Variants in HMGA1 observed in about 807,000 individuals in gnomAD.
HMGA1 encodes high mobility group protein HMG-I/HMG-Y.
Under a neutral mutation model 15.1 loss-of-function variants are expected in HMGA1, and 1 was observed. The ratio of observed to expected loss-of-function variants is 0.07; its 90% CI spans 0.02 to 0.31. The LOEUF (loss-of-function observed/expected upper bound fraction) is 0.31, where lower values mean the gene tolerates loss of function less well. Ranked by LOEUF, HMGA1 falls within the 10% of genes least tolerant of loss-of-function variation. The probability of loss-of-function intolerance (pLI) is 1.00; values close to 1 mark genes in which losing one functional copy is unlikely to be tolerated. For missense variants in HMGA1, 94 were observed against 141.4 expected (o/e 0.66, Z 1.70); for synonymous variants, 56 against 54.8 (o/e 1.02, Z -0.10).
In HMGA1 at chr6:34,243,470, AACC is replaced by A. The variant is rs1762465540; in HGVS notation, c.228_230del (p.Thr78del). 3 of 1,613,058 alleles carry A rather than the reference AACC, an allele frequency of 1.9e-6. No individual in the cohort carries two copies. The highest frequency in any genetic ancestry group is 2.7e-5 in the African/African-American group (2 of 74,766). ...AGATATTTTCTCTAACCCTCTAGAA[AACC>A]ACCACAACTCCAGGAAGGAAACCAA... is the stretch of plus-strand genomic sequence containing the variant. On this transcript the variant is annotated inframe_deletion, in exon 5 of 6. Transcript: ENST00000311487.
At position 34,240,838 on chromosome 6, in the gene HMGA1, G is replaced by A. The variant is rs373699947; in HGVS notation, c.58G>A (p.Gly20Ser). The A allele has an allele frequency of 2.7e-5, 44 of 1,613,156 alleles. No homozygotes were observed. The highest frequency in any genetic ancestry group is 1.8e-4 in the Middle Eastern group (1 of 5,558). The change falls in exon 3 of 6, where the codon GGC becomes AGC. Residue 20 changes from glycine to serine, a missense_variant. Coordinates refer to ENST00000311487, the MANE Select transcript of HMGA1 (RefSeq NM_145899.3). ...QPLASKQEKD[G>S]TEKRGRGRPR... Reference sequence around the variant, plus strand: ...CTTGGCCTCCAAGCAGGAAAAGGACGGCACTGAGAAGCGGGGCCGGGGCAG... The same window carrying A: ...CTTGGCCTCCAAGCAGGAAAAGGACAGCACTGAGAAGCGGGGCCGGGGCAG...
At chr6:34,241,571 C>G (rs1244422682) in intron 3 of HMGA1, among the ~76,000 whole-genome samples, 4 of 152,214 alleles carry the variant, frequency 2.6e-5, no homozygotes, top group African/African-American at 4.8e-5. Context: ...TGGTGCTGCT[C>G]TCCCCACAAA....
At chr6:34,240,553 C>T (rs945917744) in intron 2 of HMGA1, 184 bp from the exon 3 acceptor site, 14 of 560,362 alleles carry the variant, frequency 2.5e-5, no homozygotes, top group African/African-American at 3.8e-5. Context: ...TTAGGGCCAA[C>T]GGCCCTTCCC....
chr6:34,239,697 T>TAA (rs59329931), intron 2 of HMGA1, among the ~76,000 whole-genome samples: 121,708 of 151,920 alleles, frequency 0.8, 50,525 homozygotes, highest in South Asian at 0.94. Context: ...AGGACTAGGA[T>TAA]GAAGATGTGG....
chr6:34,240,943 G>C (rs957481117), intron 3 of HMGA1, 28 bp downstream of exon 3: 9 of 1,613,214 alleles, frequency 5.6e-6, no homozygotes, highest in Non-Finnish European at 5.9e-6. Flanking sequence ...TGCTTCACTT[G>C]GTTTACCCTT....
Position 34,240,817 on chromosome 6 carries a change from G to T in HMGA1, c.37G>T (p.Ala13Ser). The change falls in exon 3 of 6, where the codon GCC becomes TCC. Residue 13 changes from alanine (A) to serine (S), a missense_variant. By Grantham distance (99) the Ala-to-Ser change is moderately conservative. Transcript: ENST00000311487. ...ESSSKSSQPL[A>S]SKQEKDGTEK... is the part of the protein sequence containing the mutation. ...GAGCTCGAAGTCCAGCCAGCCCTTGGCCTCCAAGCAGGAAAAGGACGGCAC... is the reference window on the plus strand; with the variant it reads ...GAGCTCGAAGTCCAGCCAGCCCTTGTCCTCCAAGCAGGAAAAGGACGGCAC... The T allele has an allele frequency of 6.2e-7, 1 of 1,612,946 alleles. No homozygotes were observed. The highest frequency in any genetic ancestry group is 8.5e-7 in the Non-Finnish European group (1 of 1,179,886).
chr6:34,241,053 A>G (rs1359830146), intron 3 of HMGA1, 138 bp downstream of exon 3: 1 of 961,824 alleles, frequency 1.0e-6, no homozygotes, highest in African/African-American at 1.6e-5. Context: ...GTGTCCTCCC[A>G]CCTGTGTGTA....
At position 34,240,801 on chromosome 6, in the gene HMGA1, G is replaced by A; in HGVS notation, c.21G>A (p.Lys7=). The change falls in exon 3 of 6, where the codon AAG becomes AAA. Residue 7 remains lysine (K), a synonymous_variant. Coordinates refer to ENST00000311487, the MANE Select transcript of HMGA1 (RefSeq NM_145899.3). MSESSS[K]SSQPLASKQE... ...GGAAGATGAGTGAGTCGAGCTCGAA[G>A]TCCAGCCAGCCCTTGGCCTCCAAGC... is the stretch of plus-strand genomic sequence containing the variant. 1 of 1,612,742 alleles carries A rather than the reference G, an allele frequency of 6.2e-7. No homozygotes were observed. The highest frequency in any genetic ancestry group is 8.5e-7 in the Non-Finnish European group (1 of 1,179,894).
chr6:34,239,707 G>A (rs964222870), intron 2 of HMGA1, among the ~76,000 whole-genome samples: 1 of 151,992 alleles, frequency 6.6e-6, no homozygotes, highest in Non-Finnish European at 1.5e-5. Context: ...TGAAGATGTG[G>A]AGGACTGTCC....
At position 34,240,799 on chromosome 6, in the gene HMGA1, A is replaced by C; in HGVS notation, c.19A>C (p.Lys7Gln). The change falls in exon 3 of 6, where the codon AAG becomes CAG. Residue 7 changes from lysine to glutamine, a missense_variant. By Grantham distance (53) the Lys-to-Gln change is moderately conservative (BLOSUM62 1). Transcript: ENST00000311487. Reference protein sequence around the residue: MSESSSKSSQPLASKQE... With the variant: MSESSSQSSQPLASKQE... The stretch of plus-strand genomic sequence containing the variant: ...AGGGAAGATGAGTGAGTCGAGCTCG[A>C]AGTCCAGCCAGCCCTTGGCCTCCAA... 6.2e-7 allele frequency: 1 copy of C among 1,612,694 alleles called. No individual in the cohort carries two copies. Among genetic ancestry groups the C allele is most frequent in the Non-Finnish European group, 8.5e-7 (1 of 1,179,890 alleles).
intron 2 of HMGA1, 67 bp from the exon 3 acceptor site, chr6:34,240,670 G>T: frequency 8.0e-7 from 1 of 1,244,264 alleles, no homozygotes. Context: ...TTGAAGGTGT[G>T]GGTGATGAGG....
chr6:34,244,836 G>T lies in HMGA1; in HGVS notation c.276G>T (p.Lys92Asn), dbSNP rs528211015. The change falls in exon 6 of 6, where the codon AAG (lysine) becomes AAT (asparagine). Residue 92 changes from lysine (K) to asparagine (N), a missense_variant. Coordinates refer to ENST00000311487, the MANE Select transcript of HMGA1 (RefSeq NM_145899.3). The part of the protein sequence containing the change: ...KPRGRPKKLE[K>N]EEEEGISQES... ...AACAACTGCCCACCTCACAGGAGAA[G>T]GAGGAAGAGGAGGGCATCTCGCAGG... 6.4e-7 allele frequency: 1 copy of T among 1,571,568 alleles called. No homozygotes were observed. Among genetic ancestry groups the T allele is most frequent in the Non-Finnish European group, 8.6e-7 (1 of 1,158,690 alleles).
chr6:34,245,085 G>A lies in HMGA1; in HGVS notation c.*201G>A, dbSNP rs1454326479. On this transcript the variant is annotated 3_prime_UTR_variant, in exon 6 of 6. Transcript: ENST00000311487. ...GCTGCAGGGCTCCCATGGGCTGAGT[G>A]GGGAGCAGTTTTCCCCTGGCCTCAG... is the stretch of plus-strand genomic sequence containing the variant. 9 of 1,524,308 alleles carry A rather than the reference G, an allele frequency of 5.9e-6. No homozygotes were observed. Among genetic ancestry groups the A allele is most frequent in the Non-Finnish European group, 7.9e-6 (9 of 1,136,520 alleles). 94.4% of individuals were successfully genotyped at this position (1,524,308 alleles called of 1,614,324 possible).
At chr6:34,240,607 G>GGC in intron 2 of HMGA1, 130 bp from the exon 3 acceptor site, 1 of 754,484 alleles carries the variant, frequency 1.3e-6, no homozygotes, top group Non-Finnish European at 2.2e-6. Context: ...CTCCATCCTG[G>GGC]GCAGAGTAGG....
At chr6:34,239,701 G>A (rs1360874082) in intron 2 of HMGA1, among the ~76,000 whole-genome samples, 5 of 150,668 alleles carry the variant, frequency 3.3e-5, no homozygotes, top group Non-Finnish European at 5.9e-5. Flanking sequence ...CTAGGATGAA[G>A]ATGTGGAGGA....
rs1156539788 is a variant in HMGA1 at position 34,236,893 on chromosome 6, C to T, written c.-229C>T. 2 of 152,498 alleles carry T rather than the reference C, an allele frequency of 1.3e-5. No individual in the cohort carries two copies. The allele number at this position is 152,498 out of a possible 1,614,324, so 9.4% of individuals were successfully genotyped here. A position where few individuals can be genotyped will look rare whatever the true frequency, so the allele number is the denominator to read the frequency against. ...TCGCTCTTTTTAAGCTCCCCTGAGC[C>T]GGTGCTGCGCTCCTCTAATTGGGAC... On this transcript the variant is annotated 5_prime_UTR_variant, in exon 1 of 6. Coordinates refer to ENST00000311487, the MANE Select transcript of HMGA1 (RefSeq NM_145899.3).
chr6:34,237,803 A>G (rs1465610942), intron 2 of HMGA1, among the ~76,000 whole-genome samples: 1 of 151,512 alleles, frequency 6.6e-6, no homozygotes, highest in Non-Finnish European at 1.5e-5. Context: ...TCTGGAAGTG[A>G]GGGAGATGGG....
chr6:34,245,184 A>G lies in HMGA1; in HGVS notation c.*300A>G. On this transcript the variant is annotated 3_prime_UTR_variant, in exon 6 of 6. Coordinates refer to ENST00000311487, the MANE Select transcript of HMGA1 (RefSeq NM_145899.3). The stretch of plus-strand genomic sequence containing the variant: ...CAAGGCTAACATCCCACTTAGCCGC[A>G]CCCTGCACCTGCTGCGTCCCCACTC... 7.0e-7 allele frequency: 1 copy of G among 1,429,314 alleles called. No homozygotes were observed. The highest frequency in any genetic ancestry group is 9.3e-7 in the Non-Finnish European group (1 of 1,079,154). The allele number at this position is 1,429,314 out of a possible 1,614,324, so 88.5% of individuals were successfully genotyped here.
rs766017108 is a variant in HMGA1 at position 34,244,891 on chromosome 6, C to T, written c.*7C>T. 14 of 1,556,134 alleles carry T rather than the reference C, an allele frequency of 9.0e-6. No homozygotes were observed. The highest frequency in any genetic ancestry group is 7.1e-5 in the South Asian group (6 of 84,492). On this transcript the variant is annotated 3_prime_UTR_variant, in exon 6 of 6. Coordinates refer to ENST00000311487, the MANE Select transcript of HMGA1 (RefSeq NM_145899.3). The stretch of plus-strand genomic sequence containing the variant: ...CTCGGAGGAGGAGCAGTGACCCATG[C>T]GTGCCGCCTGCTCCTCACTGGAGGA...
Sources: allele counts gnomAD v4.1 joint callset (sites outside exome capture counted in the v4.1 genomes callset), GRCh38; gene constraint gnomAD v4.1.1; transcripts MANE v1.5; gene names NCBI Gene and HGNC (gene_info 2026-07-23, HGNC 2026-07-21).